Variants in IL17RA observed in about 807,000 individuals in gnomAD.
The protein encoded by IL17RA is interleukin-17 receptor A.
A neutral mutation model predicts 50.4 loss-of-function variants in IL17RA; 34 were observed. The observed-to-expected ratio is 0.67, with a 90% confidence interval of 0.51 to 0.90. The LOEUF is 0.90. Among genes scored for constraint, IL17RA ranks in the 40% least tolerant of loss-of-function variants. IL17RA has a pLI of 0.00. For synonymous variants in IL17RA, 585 were observed against 510.4 expected (o/e 1.15, Z -1.97); for missense variants, 1,276 against 1,169.8 (o/e 1.09, Z -1.32).
chr22:17,098,458 A>G (rs765865600), intron 3 of IL17RA, among the ~76,000 whole-genome samples: 3 of 152,010 alleles, frequency 2.0e-5, no homozygotes, highest in South Asian at 2.1e-4. Context: ...GACAGCCACA[A>G]CCTCGTGAGG....
intron 4 of IL17RA, among the ~76,000 whole-genome samples, chr22:17,099,640 G>T (rs2061382661): frequency 6.6e-6 from 1 of 151,988 alleles, no homozygotes; most frequent in African/African-American, 2.4e-5. Context: ...AAGCAGCAAA[G>T]GCAGAACCCC....
Position 17,102,176 on chromosome 22 carries a change from G to A in IL17RA, c.636G>A (p.Leu212=). 1 of 1,614,168 alleles carries A rather than the reference G, an allele frequency of 6.2e-7. No homozygotes were observed. Residue 212 remains leucine (L), a synonymous_variant, in exon 7 of 13, where the codon CTG becomes CTA. Transcript: ENST00000319363. ...ACCCCAACATCACCGTGGAGACCCT[G>A]GAGGCCCACCAGCTGCGTGTGAGCT... The part of the protein sequence containing the change: ...LWDPNITVET[L]EAHQLRVSFT...
At chr22:17,091,393 T>C (rs2061347180) in intron 1 of IL17RA, among the ~76,000 whole-genome samples, 1 of 152,168 alleles carries the variant, frequency 6.6e-6, no homozygotes. Context: ...GTCAATGTTA[T>C]TGGCCGGGCG....
chr22:17,099,228 TA>T (rs2061380824), intron 4 of IL17RA, among the ~76,000 whole-genome samples: 1 of 144,674 alleles, frequency 6.9e-6, no homozygotes, highest in African/African-American at 2.4e-5. Flanking sequence ...TAACTTTGTG[TA>T]ACATCTTTTA....
chr22:17,108,970 G>A lies in IL17RA; in HGVS notation c.1751G>A (p.Trp584Ter). 1 of 1,605,788 alleles carries A rather than the reference G, an allele frequency of 6.2e-7. No individual in the cohort carries two copies. Among genetic ancestry groups the A allele is most frequent in the Non-Finnish European group, 8.5e-7 (1 of 1,178,968 alleles). ...FRDWQVRCPD[W>*]FECENLYSAD... ...GACTGGCAGGTCCGCTGTCCCGACTGGTTCGAATGTGAGAACCTCTACTCA... is the reference window on the plus strand; with the variant it reads ...GACTGGCAGGTCCGCTGTCCCGACTAGTTCGAATGTGAGAACCTCTACTCA... The change falls in exon 13 of 13, where the codon TGG (tryptophan) becomes TAG (stop). Residue 584 changes from tryptophan to a stop codon, truncating the protein, a stop_gained. Coordinates refer to ENST00000319363, the MANE Select transcript of IL17RA (RefSeq NM_014339.7). LOFTEE classifies it low-confidence loss of function (END_TRUNC).
Position 17,102,246 on chromosome 22 carries a change from A to T in IL17RA, c.706A>T (p.Ser236Cys), listed in dbSNP as rs374891419. Residue 236 changes from serine (S) to cysteine (C), a missense_variant, in exon 7 of 13, where the codon AGT becomes TGT. Coordinates refer to ENST00000319363, the MANE Select transcript of IL17RA (RefSeq NM_014339.7). Reference sequence around the variant, plus strand: ...TACCCATTACCAGATCCTGCTGACCAGTTTTCCGCACATGGAGAACCACAG... The same window carrying T: ...TACCCATTACCAGATCCTGCTGACCTGTTTTCCGCACATGGAGAACCACAG... ...ESTHYQILLT[S>C]FPHMENHSCF... is the part of the protein sequence containing the mutation. 4 of 1,614,028 alleles carry T rather than the reference A, an allele frequency of 2.5e-6. No homozygotes were observed. The highest frequency in any genetic ancestry group is 1.3e-5 in the African/African-American group (1 of 74,906).
In IL17RA at chr22:17,102,314, C is replaced by A. The variant is rs773889030; in HGVS notation, c.762+12C>A. The A allele has an allele frequency of 6.2e-7, 1 of 1,614,090 alleles. No homozygotes were observed. The highest frequency in any genetic ancestry group is 2.2e-5 in the East Asian group (1 of 44,880). ...ACCACATACCTGCGGTAACTCTGCTCTTTTTGACCCCTCTAGCATAGCTCA... is the reference window on the plus strand; with the variant it reads ...ACCACATACCTGCGGTAACTCTGCTATTTTTGACCCCTCTAGCATAGCTCA... On this transcript the variant is annotated intron_variant, in intron 7 of 12. Transcript: ENST00000319363.
chr22:17,101,597 C>T (rs548203968), intron 5 of IL17RA, among the ~76,000 whole-genome samples: 6 of 152,348 alleles, frequency 3.9e-5, no homozygotes, highest in African/African-American at 9.6e-5. Context: ...CCTCAGTTCT[C>T]GCTTCTGTTC....
chr22:17,103,412 C>A, intron 7 of IL17RA, 82 bp from the exon 8 acceptor site: 2 of 1,115,712 alleles, frequency 1.8e-6, no homozygotes, highest in South Asian at 1.3e-5. Context: ...ACAGCCTCTC[C>A]ATGGCAGTGC....
chr22:17,110,557 A>C lies in IL17RA; in HGVS notation c.*737A>C, dbSNP rs1218681061. The C allele has an allele frequency of 1.3e-5, 2 of 150,462 alleles. No homozygotes were observed. Among genetic ancestry groups the C allele is most frequent in the African/African-American group, 2.5e-5 (1 of 40,546 alleles). 9.3% of individuals were successfully genotyped at this position (150,462 alleles called of 1,614,324 possible). On this transcript the variant is annotated 3_prime_UTR_variant, in exon 13 of 13. Coordinates refer to ENST00000319363, the MANE Select transcript of IL17RA (RefSeq NM_014339.7). ...TGTAAACGCTGAATGGGCCAGGTGC[A>C]GTGGCTCATGCTTGTAATCCCAGCA...
intron 1 of IL17RA, among the ~76,000 whole-genome samples, chr22:17,094,903 T>C (rs773625646): frequency 4.0e-5 from 6 of 151,532 alleles, no homozygotes; most frequent in Non-Finnish European, 8.8e-5. Context: ...TAGCAATCTA[T>C]TCAACCATTT....
At chr22:17,097,221 C>T in intron 2 of IL17RA, 135 bp downstream of exon 2, 1 of 846,122 alleles carries the variant, frequency 1.2e-6, no homozygotes, top group South Asian at 1.4e-5. Context: ...AGGAGGGTTC[C>T]CGGAGAATTG....
At chr22:17,089,895 A>G (rs917867) in intron 1 of IL17RA, among the ~76,000 whole-genome samples, 127,308 of 151,142 alleles carry the variant, frequency 0.84, 54,379 homozygotes, top group African/African-American at 0.96. Flanking sequence ...AACGAATGAG[A>G]GGTTTGAAAT....
At chr22:17,107,846 C>T (rs1161190686) in intron 12 of IL17RA, 78 bp downstream of exon 12, 9 of 1,284,550 alleles carry the variant, frequency 7.0e-6, no homozygotes, top group African/African-American at 2.9e-5. Flanking sequence ...CGTGGGTCGC[C>T]TCCTGTGCTC....
rs536213908 is a variant in IL17RA at position 17,115,611 on chromosome 22, T to G, written c.*5791T>G. ...AGAAAAAAAAAAAATCACTGTGTGT[T>G]TGTTTATTTTGGTGCAGGCCCAGTG... is the stretch of plus-strand genomic sequence containing the variant. On this transcript the variant is annotated 3_prime_UTR_variant, in exon 13 of 13. Coordinates refer to ENST00000319363, the MANE Select transcript of IL17RA (RefSeq NM_014339.7). The G allele has an allele frequency of 9.2e-5, 14 of 152,112 alleles. No individual in the cohort carries two copies. The highest frequency in any genetic ancestry group is 4.6e-4 in the Admixed American group (7 of 15,270). The allele number at this position is 152,112 out of a possible 1,614,324, so 9.4% of individuals were successfully genotyped here. A position where few individuals can be genotyped will look rare whatever the true frequency, so the allele number is the denominator to read the frequency against.
At chr22:17,102,412 C>T in intron 7 of IL17RA, 110 bp downstream of exon 7, 1 of 1,173,438 alleles carries the variant, frequency 8.5e-7, no homozygotes, top group Non-Finnish European at 1.3e-6. Flanking sequence ...GCTCGCGACT[C>T]AGGGCTGTGC....
chr22:17,097,079 C>G lies in IL17RA; in HGVS notation c.156C>G (p.Val52=). 1 of 1,613,536 alleles carries G rather than the reference C, an allele frequency of 6.2e-7. No individual in the cohort carries two copies. ...VCSQPGLNCT[V]KNSTCLDDSW... is the part of the protein sequence containing the mutation. ...TTCCACAGGGGCTAAACTGCACGGT[C>G]AAGAATAGTAAGTCATCTTTTTCTG... The change falls in exon 2 of 13, where the codon GTC becomes GTG. Residue 52 remains valine (V), a synonymous_variant. Transcript: ENST00000319363.
Position 17,108,360 on chromosome 22 carries a change from T to A in IL17RA, c.1141T>A (p.Trp381Arg). 6.2e-7 allele frequency: 1 copy of A among 1,614,132 alleles called. No homozygotes were observed. Among genetic ancestry groups the A allele is most frequent in the Non-Finnish European group, 8.5e-7 (1 of 1,180,006 alleles). ...CCCACCGCTGAAGCCCAGGAAGGTCTGGATCATCTACTCAGCCGACCACCC... is the reference window on the plus strand; with the variant it reads ...CCCACCGCTGAAGCCCAGGAAGGTCAGGATCATCTACTCAGCCGACCACCC... ...IPPPLKPRKV[W>R]IIYSADHPLY... is the part of the protein sequence containing the mutation. Residue 381 changes from tryptophan (W) to arginine (R), a missense_variant, in exon 13 of 13, where the codon TGG becomes AGG. Transcript: ENST00000319363.
chr22:17,090,981 C>G (rs1347695729), intron 1 of IL17RA, among the ~76,000 whole-genome samples: 2 of 152,184 alleles, frequency 1.3e-5, no homozygotes, highest in Non-Finnish European at 2.9e-5. Context: ...CCCGCTTTCC[C>G]CAGAGAACTT....
Sources: allele counts gnomAD v4.1 joint callset (sites outside exome capture counted in the v4.1 genomes callset), GRCh38; gene constraint gnomAD v4.1.1; transcripts MANE v1.5; gene names NCBI Gene and HGNC (gene_info 2026-07-23, HGNC 2026-07-21).